OTUD7A: variants seen among roughly 807,000 people sequenced by gnomAD.
OTUD7A encodes the protein OTU domain-containing protein 7A.
OTUD7A carries 12 observed loss-of-function variants against 65.7 expected under a neutral mutation model. The observed-to-expected ratio is 0.18, with a 90% confidence interval of 0.12 to 0.30. The LOEUF is 0.30. OTUD7A is among the 10% of genes least tolerant of loss of function. The pLI is 1.00. For missense variants in OTUD7A, 1,148 were observed against 1,304.8 expected, an observed-to-expected ratio of 0.88 and a Z score of 1.85; for synonymous variants, 641 against 586.3, an observed-to-expected ratio of 1.09 and a Z score of -1.35.
rs1890025090 is a variant in OTUD7A, at chr15:31,599,927, A to G, written c.152-29730T>C. On this transcript the variant is annotated intron_variant, in intron 3 of 12. Coordinates refer to ENST00000307050, the MANE Select transcript of OTUD7A (RefSeq NM_001382637.1). ...ATCAAATTAATGAAATAAAGCAAGA[A>G]GACAGGATTAGAGAAAAAAGAATGA... is the stretch of plus-strand genomic sequence containing the variant. Among the ~76,000 whole-genome samples the G allele has an allele frequency of 2.6e-5, 4 of 152,196 alleles. No homozygotes were observed. The East Asian group carries it at 7.7e-4, about 29-fold the overall frequency.
chr15:31,645,607 GTAGT>G (rs1162260369), intron 3 of OTUD7A, among the ~76,000 whole-genome samples: 3 of 152,104 alleles, frequency 2.0e-5, no homozygotes, highest in South Asian at 4.1e-4. Flanking sequence ...ATATCTAAAA[GTAGT>G]TATTCTTTAA....
chr15:31,623,169 C>T (rs1890848932), intron 3 of OTUD7A, among the ~76,000 whole-genome samples: 1 of 152,222 alleles, frequency 6.6e-6, no homozygotes, highest in African/African-American at 2.4e-5. Flanking sequence ...TGTCAGTCTG[C>T]CCCTACTTCG....
At chr15:31,504,246 C>G (rs746586959) in intron 8 of OTUD7A, among the ~76,000 whole-genome samples, 2 of 152,116 alleles carry the variant, frequency 1.3e-5, no homozygotes, top group African/African-American at 4.8e-5. Flanking sequence ...CTGGGCACAT[C>G]TGATGGGCTG....
intron 3 of OTUD7A, among the ~76,000 whole-genome samples, chr15:31,590,864 G>T: frequency 6.6e-6 from 1 of 152,214 alleles, no homozygotes; most frequent in Non-Finnish European, 1.5e-5. Context: ...CTGGCTTGTG[G>T]CCATGGATTC....
At chr15:31,747,060 ATTT>A (rs1056225857) in intron 1 of OTUD7A, among the ~76,000 whole-genome samples, 1 of 151,918 alleles carries the variant, frequency 6.6e-6, no homozygotes, top group Non-Finnish European at 1.5e-5. Context: ...TACTTGGTTG[ATTT>A]TTTTTCTTTA....
intron 1 of OTUD7A, among the ~76,000 whole-genome samples, chr15:31,692,890 A>G (rs1326904990): frequency 2.7e-5 from 4 of 148,350 alleles, no homozygotes; most frequent in Admixed American, 6.6e-5. Context: ...AGAATGAAGG[A>G]TGCCCATCCC....
chr15:31,628,424 AG>A (rs1271650662), intron 3 of OTUD7A, among the ~76,000 whole-genome samples: 1 of 152,064 alleles, frequency 6.6e-6, no homozygotes, highest in Non-Finnish European at 1.5e-5. Flanking sequence ...ATTATTTCTG[AG>A]GGCTCTCTTC....
At chr15:31,867,883 GA>G (rs1317917689) in intron 1 of OTUD7A, among the ~76,000 whole-genome samples, 3 of 140,132 alleles carry the variant, frequency 2.1e-5, no homozygotes, top group African/African-American at 2.6e-5. Context: ...CCATCTCTTG[GA>G]AGACAGGCAT....
At chr15:31,757,343 A>AAT (rs530511054) in intron 1 of OTUD7A, among the ~76,000 whole-genome samples, 2 of 149,252 alleles carry the variant, frequency 1.3e-5, no homozygotes, top group Admixed American at 6.7e-5. Flanking sequence ...GAAATGAAAT[A>AAT]ATATATATAT....
At chr15:31,805,984 T>C (rs1189226437) in intron 1 of OTUD7A, among the ~76,000 whole-genome samples, 2 of 152,250 alleles carry the variant, frequency 1.3e-5, no homozygotes, top group Admixed American at 6.5e-5. Flanking sequence ...GGGGTTTCTA[T>C]ATGGAACTGT....
intron 1 of OTUD7A, among the ~76,000 whole-genome samples, chr15:31,816,965 C>G (rs1169820187): frequency 6.6e-6 from 1 of 152,084 alleles, no homozygotes; most frequent in African/African-American, 2.4e-5. Context: ...ATAAAGAAAC[C>G]AAATAACCCC....
intron 3 of OTUD7A, among the ~76,000 whole-genome samples, chr15:31,639,203 T>A (rs1482089071): frequency 6.6e-6 from 1 of 152,148 alleles, no homozygotes; most frequent in Non-Finnish European, 1.5e-5. Flanking sequence ...TGACCTGCAT[T>A]CCATCGCTAT....
At chr15:31,862,117 C>T (rs1897757934) in intron 1 of OTUD7A, among the ~76,000 whole-genome samples, 1 of 152,218 alleles carries the variant, frequency 6.6e-6, no homozygotes, top group South Asian at 2.1e-4. Context: ...TCACTGCCCA[C>T]TCTCCTCCCT....
At chr15:31,566,635 G>A (rs560279363) in intron 4 of OTUD7A, among the ~76,000 whole-genome samples, 1 of 152,238 alleles carries the variant, frequency 6.6e-6, no homozygotes, top group East Asian at 1.9e-4. Context: ...AATCTTGGAG[G>A]GGGGGTCTGG....
intron 1 of OTUD7A, among the ~76,000 whole-genome samples, chr15:31,869,430 CCG>C (rs1897965764): frequency 6.6e-6 from 1 of 152,180 alleles, no homozygotes; most frequent in Admixed American, 6.5e-5. Context: ...GATTTAGGCC[CCG>C]CTGTCAACCT....
At chr15:31,734,535 T>A (rs1452417764) in intron 1 of OTUD7A, among the ~76,000 whole-genome samples, 3 of 152,206 alleles carry the variant, frequency 2.0e-5, no homozygotes. Flanking sequence ...CAAAACAGCA[T>A]GGTACTGGTA....
chr15:31,598,571 G>C (rs149277951), intron 3 of OTUD7A, among the ~76,000 whole-genome samples: 8 of 152,234 alleles, frequency 5.3e-5, no homozygotes, highest in African/African-American at 1.7e-4. Flanking sequence ...CACAAAACTG[G>C]GCAGCCGTTC....
At chr15:31,595,427 G>A (rs1261546519) in intron 3 of OTUD7A, among the ~76,000 whole-genome samples, 1 of 152,178 alleles carries the variant, frequency 6.6e-6, no homozygotes, top group Non-Finnish European at 1.5e-5. Flanking sequence ...TGGATAATTT[G>A]TACATGGTAG....
intron 1 of OTUD7A, among the ~76,000 whole-genome samples, chr15:31,805,609 T>C (rs533257540): frequency 5.4e-4 from 83 of 152,336 alleles, no homozygotes; most frequent in South Asian, 2.1e-3. Context: ...AGATTTGTAG[T>C]TGGCAAAATC....
Sources: allele counts gnomAD v4.1 joint callset (sites outside exome capture counted in the v4.1 genomes callset), GRCh38; gene constraint gnomAD v4.1.1; transcripts MANE v1.5; gene names NCBI Gene and HGNC (gene_info 2026-07-23, HGNC 2026-07-21).